Variants in GPR63 observed in about 807,000 individuals in gnomAD.
GPR63 encodes probable G protein-coupled receptor 63.
In GPR63, 12 loss-of-function variants were observed where a neutral mutation model predicts 23.1. The ratio of observed to expected loss-of-function variants is 0.52; its 90% CI spans 0.33 to 0.84. The LOEUF is 0.84. Ranked by LOEUF, GPR63 falls within the 40% of genes least tolerant of loss-of-function variation. The pLI is 0.02. For synonymous variants in GPR63, 172 were observed against 191.1 expected (o/e 0.90, Z 0.82); for missense variants, 472 against 515.6 (o/e 0.92, Z 0.82).
At chr6:96,801,263 G>T (rs574609165) in intron 1 of GPR63, among the ~76,000 whole-genome samples, 2 of 149,780 alleles carry the variant, frequency 1.3e-5, no homozygotes, top group Non-Finnish European at 3.0e-5. Flanking sequence ...CAGATGGTGC[G>T]ATCTCAGCTC....
rs1562111235 is a variant in GPR63 at position 96,798,458 on chromosome 6, G to T, written c.*14C>A. The T allele has an allele frequency of 6.2e-7, 1 of 1,606,256 alleles. No homozygotes were observed. Among genetic ancestry groups the T allele is most frequent in the Non-Finnish European group, 8.5e-7 (1 of 1,174,820 alleles). Reference sequence around the variant, plus strand: ...AGAACAAGCATCACCCAAAATGTCAGCCAGTTCCAATATTCACACCACCGT... The same window carrying T: ...AGAACAAGCATCACCCAAAATGTCATCCAGTTCCAATATTCACACCACCGT... On this transcript the variant is annotated 3_prime_UTR_variant, in exon 2 of 2. Transcript: ENST00000229955.
chr6:96,821,280 A>G (rs1038020449), intron 1 of GPR63, among the ~76,000 whole-genome samples: 3 of 152,220 alleles, frequency 2.0e-5, no homozygotes, highest in African/African-American at 7.2e-5. Flanking sequence ...CATCCTCTAC[A>G]ACACCAACCT....
At chr6:96,821,585 T>G (rs1340963976) in intron 1 of GPR63, among the ~76,000 whole-genome samples, 1 of 152,218 alleles carries the variant, frequency 6.6e-6, no homozygotes, top group Non-Finnish European at 1.5e-5. Flanking sequence ...CTACTACAAC[T>G]ATGCCCAGAT....
intron 1 of GPR63, among the ~76,000 whole-genome samples, chr6:96,824,143 T>C (rs1213471321): frequency 8.5e-5 from 13 of 152,166 alleles, no homozygotes; most frequent in African/African-American, 2.9e-4. Context: ...TTTGTTATAG[T>C]TTGGTAGGCA....
At position 96,807,160 on chromosome 6, in the gene GPR63, T is replaced by G. The variant is rs538698267; in HGVS notation, c.-150-7279A>C. Among the ~76,000 whole-genome samples the G allele has an allele frequency of 2.6e-5, 4 of 152,364 alleles. No individual in the cohort carries two copies. In the East Asian group the frequency reaches 5.8e-4, roughly 22 times the overall value. On this transcript the variant is annotated intron_variant, in intron 1 of 1. Coordinates refer to ENST00000229955, the MANE Select transcript of GPR63 (RefSeq NM_030784.4). ...AATAGCAACTTTCAAAAGAAGAGCT[T>G]GATAATCAGGCAGACAAGATGACCT...
intron 1 of GPR63, 44 bp from the exon 2 acceptor site, chr6:96,799,925 T>C (rs1484375590): frequency 6.6e-6 from 4 of 603,822 alleles, no homozygotes; most frequent in Non-Finnish European, 1.2e-5. Context: ...AGAAATGAGA[T>C]TTGCAAATAA....
intron 1 of GPR63, among the ~76,000 whole-genome samples, chr6:96,808,669 A>C (rs2127948251): frequency 6.6e-6 from 1 of 152,344 alleles, no homozygotes; most frequent in African/African-American, 2.4e-5. Context: ...AAAACTCTGC[A>C]AAGCAGTCCT....
Position 96,797,943 on chromosome 6 carries a change from T to A in GPR63, c.*529A>T, listed in dbSNP as rs933676026. The A allele has an allele frequency of 9.2e-5, 14 of 152,764 alleles. No individual in the cohort carries two copies. The highest frequency in any genetic ancestry group is 3.4e-4 in the African/African-American group (14 of 41,568). The allele number at this position is 152,764 out of a possible 1,614,324, so 9.5% of individuals were successfully genotyped here. A position where few individuals can be genotyped will look rare whatever the true frequency, so the allele number is the denominator to read the frequency against. ...TAAGACTGAATTAATTTGTACATTA[T>A]CTCTTAAAGTGCACCAAAGTAAATA... On this transcript the variant is annotated 3_prime_UTR_variant, in exon 2 of 2. Coordinates refer to ENST00000229955, the MANE Select transcript of GPR63 (RefSeq NM_030784.4).
intron 1 of GPR63, among the ~76,000 whole-genome samples, chr6:96,818,705 A>T (rs1774224630): frequency 6.6e-6 from 1 of 152,232 alleles, no homozygotes; most frequent in South Asian, 2.1e-4. Flanking sequence ...AGAAGAGAAC[A>T]TATCAAAATA....
Position 96,799,684 on chromosome 6 carries a change from G to T in GPR63, c.48C>A (p.Asn16Lys). ...TGTTTTCATACACGACAAATGTTGT[G>T]TTGGATGTCCCGGTATGGAACGCAG... ...VLTAFHTGTS[N>K]TTFVVYENTY... Residue 16 changes from asparagine (N) to lysine (K), a missense_variant, in exon 2 of 2, where the codon AAC (asparagine) becomes AAA (lysine). Coordinates refer to ENST00000229955, the MANE Select transcript of GPR63 (RefSeq NM_030784.4). 3 of 1,614,198 alleles carry T rather than the reference G, an allele frequency of 1.9e-6. No individual in the cohort carries two copies. Among genetic ancestry groups the T allele is most frequent in the Non-Finnish European group, 1.7e-6 (2 of 1,180,032 alleles).
intron 1 of GPR63, among the ~76,000 whole-genome samples, chr6:96,826,587 ATTCTAT>A (rs1297166463): frequency 2.0e-5 from 3 of 152,138 alleles, no homozygotes; most frequent in Non-Finnish European, 2.9e-5. Flanking sequence ...TAACAAACAT[ATTCTAT>A]TTTATACATG....
chr6:96,800,645 T>C (rs1773739564), intron 1 of GPR63, among the ~76,000 whole-genome samples: 1 of 152,172 alleles, frequency 6.6e-6, no homozygotes, highest in African/African-American at 2.4e-5. Context: ...AAAGTTTTAT[T>C]TTACTAAAGC....
rs1773570924 is a variant in GPR63 at position 96,795,999 on chromosome 6, A to C, written c.*2473T>G. ...TGACTATCATTTGAAGATAATCCCA[A>C]AACAACATGTTGAATAATATGCTTG... On this transcript the variant is annotated 3_prime_UTR_variant, in exon 2 of 2. Coordinates refer to ENST00000229955, the MANE Select transcript of GPR63 (RefSeq NM_030784.4). The C allele has an allele frequency of 6.6e-6, 1 of 152,192 alleles. No individual in the cohort carries two copies. The allele number at this position is 152,192 out of a possible 1,614,324, so 9.4% of individuals were successfully genotyped here.
intron 1 of GPR63, among the ~76,000 whole-genome samples, chr6:96,836,674 G>A (rs1349388941): frequency 4.6e-5 from 7 of 152,108 alleles, no homozygotes; most frequent in Admixed American, 1.3e-4. Context: ...AAAAGGGGCA[G>A]AGGAGAAAAG....
intron 1 of GPR63, among the ~76,000 whole-genome samples, chr6:96,822,235 G>T (rs1774332298): frequency 6.6e-6 from 1 of 152,032 alleles, no homozygotes; most frequent in Non-Finnish European, 1.5e-5. Flanking sequence ...AGATCATTCT[G>T]CTCTAACGTA....
At position 96,801,210 on chromosome 6, in the gene GPR63, ATT is replaced by A. The variant is rs35755439; in HGVS notation, c.-150-1331_-150-1330del. Among the ~76,000 whole-genome samples, 142 of 144,004 alleles carry A rather than the reference ATT, an allele frequency of 9.9e-4. 1 individual carries two copies. The highest frequency in any genetic ancestry group is 4.8e-3 in the Admixed American group (69 of 14,414). 94.5% of individuals were successfully genotyped at this position (144,004 alleles called of 152,430 possible). On this transcript the variant is annotated intron_variant, in intron 1 of 1. Transcript: ENST00000229955. ...TATTTCGACTTAGAATCAGTCATTG[ATT>A]TTTTTTTTTTTTTTCCAGACAGAGT...
intron 1 of GPR63, among the ~76,000 whole-genome samples, chr6:96,829,683 G>A (rs1774530722): frequency 6.6e-6 from 1 of 152,078 alleles, no homozygotes; most frequent in South Asian, 2.1e-4. Context: ...CAGGACAAAG[G>A]AATGAGAACC....
chr6:96,828,529 T>C (rs1331998741), intron 1 of GPR63, among the ~76,000 whole-genome samples: 1 of 141,864 alleles, frequency 7.0e-6, no homozygotes, highest in African/African-American at 2.7e-5. Context: ...GTAGAACTTA[T>C]AGGTAATCTC....
intron 1 of GPR63, among the ~76,000 whole-genome samples, chr6:96,814,828 CA>C (rs547990040): frequency 2.7e-5 from 4 of 149,310 alleles, no homozygotes; most frequent in East Asian, 3.9e-4. Flanking sequence ...ACAAAATGAC[CA>C]AAAAAAAATG....
Sources: gnomAD v4.1 joint callset for allele counts (sites outside exome capture counted in the v4.1 genomes callset) on GRCh38, gnomAD v4.1.1 for gene constraint, MANE v1.5 for transcripts, NCBI Gene and HGNC (gene_info 2026-07-23, HGNC 2026-07-21) for gene names.